Variants in DYNC1I2 observed in about 807,000 individuals in gnomAD.
The protein encoded by DYNC1I2 is cytoplasmic dynein 1 intermediate chain 2.
DYNC1I2 carries 53 observed loss-of-function variants against 88.6 expected under a neutral mutation model. That is an observed-to-expected ratio of 0.60 (90% confidence interval 0.48 to 0.75). The LOEUF (loss-of-function observed/expected upper bound fraction) is 0.75, where lower values mean the gene tolerates loss of function less well. DYNC1I2 is among the 30% of genes least tolerant of loss of function. DYNC1I2 has a pLI of 0.00. For synonymous variants in DYNC1I2, 198 were observed against 254.6 expected, an observed-to-expected ratio of 0.78 and a Z score of 2.12; for missense variants, 458 against 766.6, an observed-to-expected ratio of 0.60 and a Z score of 4.75.
At chr2:171,718,958 G>A (rs1687719809) in intron 7 of DYNC1I2, among the ~76,000 whole-genome samples, 1 of 152,152 alleles carries the variant, frequency 6.6e-6, no homozygotes, top group Admixed American at 6.5e-5. Flanking sequence ...AAATATGACT[G>A]ATTCTACGAT....
chr2:171,695,876 G>C (rs1219624589), intron 3 of DYNC1I2, among the ~76,000 whole-genome samples: 1 of 152,158 alleles, frequency 6.6e-6, no homozygotes, highest in African/African-American at 2.4e-5. Context: ...ATATTATCCA[G>C]CTTTCTAATT....
chr2:171,704,355 TTTC>T (rs1430548158), intron 3 of DYNC1I2, among the ~76,000 whole-genome samples: 1 of 151,900 alleles, frequency 6.6e-6, no homozygotes, highest in East Asian at 1.9e-4. Context: ...TCTTTTTTTT[TTTC>T]TTCTGTGACA....
intron 6 of DYNC1I2, among the ~76,000 whole-genome samples, chr2:171,713,462 T>G (rs1418327928): frequency 1.3e-5 from 2 of 151,830 alleles, no homozygotes; most frequent in South Asian, 2.1e-4. Context: ...GCATATTTTC[T>G]TAGTGAAACG....
chr2:171,712,474 G>A (rs1348121555), intron 5 of DYNC1I2: 1 of 280,366 alleles, frequency 3.6e-6, no homozygotes, highest in Non-Finnish European at 6.6e-6. Flanking sequence ...TTCTAAAGCA[G>A]ATCTATTATT....
At chr2:171,708,817 C>T (rs1157503717) in intron 5 of DYNC1I2, among the ~76,000 whole-genome samples, 1 of 151,978 alleles carries the variant, frequency 6.6e-6, no homozygotes, top group Non-Finnish European at 1.5e-5. Context: ...ATCAGCCTCC[C>T]GAGTAGCTGG....
chr2:171,692,986 A>G (rs1574499565), intron 3 of DYNC1I2, 92 bp downstream of exon 3: 6 of 936,856 alleles, frequency 6.4e-6, no homozygotes, highest in East Asian at 2.6e-5. Context: ...TATATTTTAC[A>G]TATTTTCCTT....
At chr2:171,689,128 G>A (rs1685193424) in intron 1 of DYNC1I2, among the ~76,000 whole-genome samples, 1 of 152,140 alleles carries the variant, frequency 6.6e-6, no homozygotes, top group Non-Finnish European at 1.5e-5. Context: ...TCATTAGCCA[G>A]TGTCAATTGT....
chr2:171,733,524 A>G (rs953091485), intron 15 of DYNC1I2, among the ~76,000 whole-genome samples: 1 of 116,030 alleles, frequency 8.6e-6, no homozygotes, highest in Non-Finnish European at 1.6e-5. Flanking sequence ...CTGGTGTGAG[A>G]TGGTATCTCA....
intron 3 of DYNC1I2, among the ~76,000 whole-genome samples, chr2:171,702,787 A>C (rs1686367465): frequency 6.6e-6 from 1 of 152,050 alleles, no homozygotes; most frequent in African/African-American, 2.4e-5. Context: ...CAGTGGCACA[A>C]ACTGCAGCTT....
rs559606913 is a variant in DYNC1I2, at chr2:171,728,293, T to A, written c.1144-12T>A. 4.6e-5 allele frequency: 69 copies of A among 1,495,840 alleles called. No homozygotes were observed. Among genetic ancestry groups the A allele is most frequent in the African/African-American group, 5.6e-5 (4 of 70,890 alleles). 92.7% of individuals were successfully genotyped at this position (1,495,840 alleles called of 1,614,324 possible). On this transcript the variant is annotated splice_polypyrimidine_tract_variant and intron_variant, in intron 12 of 17. Transcript: ENST00000397119. ...TACAATAATCCCTGAAAACTTTTTTTAATATCTCTAGCACCCTGTATATTG... is the reference window on the plus strand; with the variant it reads ...TACAATAATCCCTGAAAACTTTTTTAAATATCTCTAGCACCCTGTATATTG...
chr2:171,706,660 T>C, intron 4 of DYNC1I2, 96 bp downstream of exon 4: 1 of 1,173,798 alleles, frequency 8.5e-7, no homozygotes, highest in Non-Finnish European at 1.2e-6. Flanking sequence ...ATTGCCTGTT[T>C]GCATTTTTCA....
intron 5 of DYNC1I2, among the ~76,000 whole-genome samples, chr2:171,711,341 G>C (rs1196512629): frequency 6.6e-6 from 1 of 152,048 alleles, no homozygotes; most frequent in Admixed American, 6.6e-5. Context: ...CTCAAGCTTT[G>C]TACTTGGAAT....
At chr2:171,737,241 T>A (rs1445536947) in intron 15 of DYNC1I2, among the ~76,000 whole-genome samples, 1 of 152,174 alleles carries the variant, frequency 6.6e-6, no homozygotes. Context: ...ATTTTTCTCT[T>A]TTTTTAAGGA....
At chr2:171,741,973 T>C (rs907529868) in intron 15 of DYNC1I2, among the ~76,000 whole-genome samples, 2 of 151,664 alleles carry the variant, frequency 1.3e-5, no homozygotes, top group Non-Finnish European at 2.9e-5. Context: ...TCCCAGCTAC[T>C]TGGGAGGCTG....
chr2:171,715,624 G>A (rs903411745), intron 7 of DYNC1I2, among the ~76,000 whole-genome samples, 181 bp downstream of exon 7: 2 of 151,696 alleles, frequency 1.3e-5, no homozygotes, highest in Non-Finnish European at 2.9e-5. Context: ...TCATTTTTTC[G>A]AGTTTTAAAA....
At chr2:171,724,046 A>G (rs905237598) in intron 7 of DYNC1I2, among the ~76,000 whole-genome samples, 1 of 152,152 alleles carries the variant, frequency 6.6e-6, no homozygotes, top group Non-Finnish European at 1.5e-5. Context: ...ATTTGGTTCA[A>G]AAGTATGAGC....
chr2:171,691,569 A>G (rs1227022189), intron 2 of DYNC1I2, among the ~76,000 whole-genome samples: 1 of 152,224 alleles, frequency 6.6e-6, no homozygotes, highest in Non-Finnish European at 1.5e-5. Context: ...AGAATTTGCT[A>G]GTTTATTCTG....
At chr2:171,743,696 A>G (rs1689600007) in intron 15 of DYNC1I2, among the ~76,000 whole-genome samples, 1 of 152,218 alleles carries the variant, frequency 6.6e-6, no homozygotes, top group Non-Finnish European at 1.5e-5. Context: ...TCATTGCTTT[A>G]TCTGAGTTTA....
Position 171,692,876 on chromosome 2 carries a change from ACTC to A in DYNC1I2, c.210_212del (p.Pro71del), listed in dbSNP as rs760476635. ...AGCATTGCTTCAAAGCATGGGGCTA[ACTC>A]CAGAATCCCCCATTGGTAAGGTTAA... On this transcript the variant is annotated inframe_deletion, in exon 3 of 18. Coordinates refer to ENST00000397119, the MANE Select transcript of DYNC1I2 (RefSeq NM_001378.3). 86 of 1,601,742 alleles carry A rather than the reference ACTC, an allele frequency of 5.4e-5. No homozygotes were observed. The East Asian group carries it at 1.9e-3, about 36-fold the overall frequency.
Sources: allele counts gnomAD v4.1 joint callset (sites outside exome capture counted in the v4.1 genomes callset), GRCh38; gene constraint gnomAD v4.1.1; transcripts MANE v1.5; gene names NCBI Gene and HGNC (gene_info 2026-07-23, HGNC 2026-07-21).